Variants in TRMT44 observed in about 807,000 individuals in gnomAD.
TRMT44 encodes probable tRNA (uracil-O(2)-)-methyltransferase.
TRMT44 carries 78 observed loss-of-function variants against 77.3 expected under a neutral mutation model. The ratio of observed to expected loss-of-function variants is 1.01; its 90% confidence interval spans 0.84 to 1.22. TRMT44 has a LOEUF of 1.22. Ranked by LOEUF, TRMT44 falls within the 50% of genes most tolerant of loss-of-function variation. The pLI is 0.00. For synonymous variants in TRMT44, 391 were observed against 383.3 expected (o/e 1.02, Z -0.23); for missense variants, 1,090 against 964.4 (o/e 1.13, Z -1.73).
chr4:8,459,860 G>T (rs1033026092), intron 6 of TRMT44, among the ~76,000 whole-genome samples: 3 of 152,240 alleles, frequency 2.0e-5, no homozygotes, highest in Non-Finnish European at 4.4e-5. Flanking sequence ...GCCAGTGTGT[G>T]CAGCAGGTTC....
chr4:8,447,427 G>A (rs1415464607), intron 2 of TRMT44, among the ~76,000 whole-genome samples: 1 of 152,186 alleles, frequency 6.6e-6, no homozygotes, highest in African/African-American at 2.4e-5. Context: ...CATCCAAGCT[G>A]TACTTTCCGA....
intron 2 of TRMT44, among the ~76,000 whole-genome samples, chr4:8,447,963 G>A (rs1028473807): frequency 2.0e-5 from 3 of 152,220 alleles, no homozygotes; most frequent in Non-Finnish European, 2.9e-5. Flanking sequence ...TGCCTGCTGC[G>A]TTGGAGTGAC....
intron 2 of TRMT44, among the ~76,000 whole-genome samples, chr4:8,489,337 C>G (rs955220087): frequency 1.3e-5 from 2 of 152,214 alleles, no homozygotes; most frequent in Non-Finnish European, 2.9e-5. Flanking sequence ...AAAATTCTAT[C>G]AGTGAGAAAA....
chr4:8,454,164 T>C (rs1725637863), intron 5 of TRMT44, among the ~76,000 whole-genome samples: 1 of 152,142 alleles, frequency 6.6e-6, no homozygotes, highest in Non-Finnish European at 1.5e-5. Context: ...GAGCAGAGAA[T>C]TGGCTCACGT....
At chr4:8,478,624 A>C (rs1273994400), downstream of TRMT44, 1 of 152,598 alleles carries the variant, frequency 6.6e-6, no homozygotes, top group Non-Finnish European at 1.5e-5. Context: ...CGGGGCACTG[A>C]TCATGGCAGC....
At chr4:8,448,781 C>G (rs1259901121) in intron 2 of TRMT44, among the ~76,000 whole-genome samples, 1 of 152,234 alleles carries the variant, frequency 6.6e-6, no homozygotes, top group Non-Finnish European at 1.5e-5. Context: ...GAAACCACAG[C>G]TCTCACCAGA....
the TRMT44 span, among the ~76,000 whole-genome samples, chr4:8,515,807 G>A: frequency 6.6e-6 from 1 of 152,234 alleles, no homozygotes; most frequent in Non-Finnish European, 1.5e-5. Context: ...GGGGTGACAT[G>A]GGGCTGGTTC....
intron 2 of TRMT44, among the ~76,000 whole-genome samples, chr4:8,449,420 G>T (rs1195356097): frequency 6.6e-6 from 1 of 152,230 alleles, no homozygotes. Flanking sequence ...TATTTGTTCA[G>T]CCGCCTCAGG....
At chr4:8,489,160 C>T (rs188306366) in intron 2 of TRMT44, among the ~76,000 whole-genome samples, 2 of 152,204 alleles carry the variant, frequency 1.3e-5, no homozygotes, top group African/African-American at 4.8e-5. Flanking sequence ...GTGCCCTGGC[C>T]CCATGTGCTC....
At chr4:8,478,635 C>T (rs1292117074), downstream of TRMT44, 2 of 152,640 alleles carry the variant, frequency 1.3e-5, no homozygotes, top group African/African-American at 4.8e-5. Context: ...TCATGGCAGC[C>T]TGCTGTGGCC....
rs1724653798 is a variant in TRMT44, at chr4:8,441,173, C to T, written c.351C>T (p.Ala117=). 1.3e-6 allele frequency: 2 copies of T among 1,531,004 alleles called. No individual in the cohort carries two copies. Among genetic ancestry groups the T allele is most frequent in the African/African-American group, 1.4e-5 (1 of 73,002 alleles). 94.8% of individuals were successfully genotyped at this position (1,531,004 alleles called of 1,614,324 possible). ...AAGAGGAGGCACAGAGGGAAGCCGCCTCAGTGCCCCTGAGGGACTCCGGGC... is the reference window on the plus strand; with the variant it reads ...AAGAGGAGGCACAGAGGGAAGCCGCTTCAGTGCCCCTGAGGGACTCCGGGC... ...CQQEEAQREA[A]SVPLRDSGHP... is the part of the protein sequence containing the mutation. The change falls in exon 1 of 11, where the codon GCC becomes GCT. Residue 117 remains alanine (A), a synonymous_variant. Transcript: ENST00000389737.
chr4:8,481,779 G>C (rs968398651), intron 2 of TRMT44, among the ~76,000 whole-genome samples: 1 of 152,200 alleles, frequency 6.6e-6, no homozygotes, highest in Non-Finnish European at 1.5e-5. Context: ...TCCTCGTCTT[G>C]TCCCATCAGA....
At chr4:8,462,279 C>T (rs967102186) in intron 6 of TRMT44, among the ~76,000 whole-genome samples, 2 of 152,066 alleles carry the variant, frequency 1.3e-5, no homozygotes, top group Admixed American at 6.5e-5. Flanking sequence ...GGTGAGATGG[C>T]GCATGCCTGT....
intron 2 of TRMT44, among the ~76,000 whole-genome samples, chr4:8,487,943 C>T (rs965896252): frequency 2.0e-5 from 3 of 152,122 alleles, no homozygotes; most frequent in Admixed American, 6.5e-5. Flanking sequence ...TGACCGGCGC[C>T]GGAGTTTTGG....
At chr4:8,510,891 C>G in the TRMT44 span, 1 of 152,566 alleles carries the variant, frequency 6.6e-6, no homozygotes, top group Non-Finnish European at 1.5e-5. Flanking sequence ...TGCCTGAGCA[C>G]CCATGGCAGT....
At chr4:8,466,042 G>C (rs1020506351) in intron 8 of TRMT44, among the ~76,000 whole-genome samples, 7 of 152,216 alleles carry the variant, frequency 4.6e-5, no homozygotes, top group Admixed American at 2.0e-4. Flanking sequence ...CTTTCTGTAA[G>C]CAGTGGGACT....
rs1444015359 is a variant in TRMT44 at position 8,444,801 on chromosome 4, T to C, written c.620-1675T>C. On this transcript the variant is annotated intron_variant, in intron 1 of 10. Transcript: ENST00000389737. The surrounding 1 kb of genome is among the most constrained non-coding windows in gnomAD (Gnocchi z 4.0). ...GATGCCCCATTCTCCATGATGTGATTAGTTCACATTGCATGCCTGGATCAA... is the reference window on the plus strand; with the variant it reads ...GATGCCCCATTCTCCATGATGTGATCAGTTCACATTGCATGCCTGGATCAA... Among the ~76,000 whole-genome samples, 1 of 152,236 alleles carries C rather than the reference T, an allele frequency of 6.6e-6. No individual in the cohort carries two copies. The highest frequency in any genetic ancestry group is 1.5e-5 in the Non-Finnish European group (1 of 68,034).
rs555496807 is a variant in TRMT44, at chr4:8,461,076, C to A, written c.1204-2909C>A. ...ATGTTGCCCAGGCTGGTCTCAAACT[C>A]TGGGGCTCAAGTGATCCTCCCACCT... On this transcript the variant is annotated intron_variant, in intron 6 of 10. Transcript: ENST00000389737. The surrounding 1 kb of genome is among the most constrained non-coding windows in gnomAD (Gnocchi z 4.6). Among the ~76,000 whole-genome samples, 4 of 151,946 alleles carry A rather than the reference C, an allele frequency of 2.6e-5. No individual in the cohort carries two copies. Among genetic ancestry groups the A allele is most frequent in the Admixed American group, 6.5e-5 (1 of 15,270 alleles).
At chr4:8,443,563 T>C (rs966067208) in intron 1 of TRMT44, among the ~76,000 whole-genome samples, 10 of 152,174 alleles carry the variant, frequency 6.6e-5, no homozygotes, top group Admixed American at 1.3e-4. Context: ...TAATAAAATA[T>C]CTTGGAGTTG....
Sources: allele counts gnomAD v4.1 joint callset (sites outside exome capture counted in the v4.1 genomes callset), GRCh38; gene constraint gnomAD v4.1.1; non-coding constraint Gnocchi (gnomAD v3.1); transcripts MANE v1.5; gene names NCBI Gene and HGNC (gene_info 2026-07-23, HGNC 2026-07-21).